The following EEFSEC variants were observed in gnomAD, a reference collection of about 807,000 sequenced individuals.
EEFSEC encodes eukaryotic elongation factor, selenocysteine-tRNA specific.
Under a neutral mutation model 42.1 loss-of-function variants are expected in EEFSEC, and 43 were observed. That is an observed-to-expected ratio of 1.02 (90% CI 0.80 to 1.32). The LOEUF is 1.32. Ranked by LOEUF, EEFSEC falls within the 40% of genes most tolerant of loss-of-function variation. The pLI, the probability that EEFSEC is intolerant of heterozygous loss-of-function variation, is 0.00. For missense variants in EEFSEC, 745 were observed against 803.6 expected (o/e 0.93, Z 0.88); for synonymous variants, 354 against 339.1 (o/e 1.04, Z -0.48).
intron 1 of EEFSEC, among the ~76,000 whole-genome samples, chr3:128,244,821 A>T (rs1202752154): frequency 1.3e-5 from 2 of 152,134 alleles, no homozygotes; most frequent in African/African-American, 4.8e-5. Flanking sequence ...TTCAACACAA[A>T]TCACACTCTG....
intron 3 of EEFSEC, 146 bp from the exon 4 acceptor site, chr3:128,264,471 C>T: frequency 1.2e-6 from 1 of 862,610 alleles, no homozygotes. Context: ...GATCTCCTGT[C>T]CACCTTGCCA....
chr3:128,170,708 A>G (rs956163175), intron 1 of EEFSEC, among the ~76,000 whole-genome samples: 1 of 152,194 alleles, frequency 6.6e-6, no homozygotes, highest in African/African-American at 2.4e-5. Flanking sequence ...CTAGAATCAA[A>G]TAGAATCTCT....
chr3:128,192,852 G>C (rs1423480862), intron 1 of EEFSEC, among the ~76,000 whole-genome samples: 1 of 152,182 alleles, frequency 6.6e-6, no homozygotes, highest in Non-Finnish European at 1.5e-5. Context: ...GTAATAATGT[G>C]TAAAGCATCC....
intron 1 of EEFSEC, among the ~76,000 whole-genome samples, chr3:128,196,986 T>G (rs1470630557): frequency 6.6e-6 from 1 of 152,264 alleles, no homozygotes; most frequent in African/African-American, 2.4e-5. Flanking sequence ...AGCTCTGGCC[T>G]CGTTTTTTAA....
intron 4 of EEFSEC, among the ~76,000 whole-genome samples, chr3:128,292,714 ATGTT>A (rs1220952953): frequency 6.6e-6 from 1 of 151,544 alleles, no homozygotes; most frequent in Non-Finnish European, 1.5e-5. Flanking sequence ...GTCTTGCTAG[ATGTT>A]TGTTTATTTT....
intron 4 of EEFSEC, among the ~76,000 whole-genome samples, chr3:128,282,394 C>G (rs1285065274): frequency 2.0e-5 from 3 of 152,234 alleles, no homozygotes; most frequent in African/African-American, 7.2e-5. Context: ...ATTGCTCTTG[C>G]CAGTTCATTC....
chr3:128,203,457 A>G (rs1366101173), intron 1 of EEFSEC, among the ~76,000 whole-genome samples: 1 of 152,170 alleles, frequency 6.6e-6, no homozygotes, highest in African/African-American at 2.4e-5. Context: ...AGGAATAAGG[A>G]AGGCAAATGT....
At chr3:128,368,357 T>G (rs1382521087) in intron 6 of EEFSEC, among the ~76,000 whole-genome samples, 1 of 151,262 alleles carries the variant, frequency 6.6e-6, no homozygotes, top group East Asian at 1.9e-4. Context: ...TGCTTGAACC[T>G]GGGAGATGGA....
rs542990125 is a variant in EEFSEC at position 128,264,932 on chromosome 3, G to T, written c.786+151G>T. The T allele has an allele frequency of 7.4e-5, 64 of 863,056 alleles. No homozygotes were observed. In the African/African-American group the frequency reaches 9.7e-4, roughly 13 times the overall value. 53.5% of individuals were successfully genotyped at this position (863,056 alleles called of 1,614,324 possible). A position where few individuals can be genotyped will look rare whatever the true frequency, so the allele number is the denominator to read the frequency against. On this transcript the variant is annotated intron_variant, in intron 4 of 6. Transcript: ENST00000254730. ...GCCCCACCTCCCCTCTGGCTGCCTG[G>T]CCCCGCCCGGCTCCAAGTCTTTCAA...
At chr3:128,360,873 A>C (rs1380416491) in intron 6 of EEFSEC, among the ~76,000 whole-genome samples, 1 of 152,038 alleles carries the variant, frequency 6.6e-6, no homozygotes, top group Non-Finnish European at 1.5e-5. Flanking sequence ...CACTGGTCAG[A>C]TTCCTCCATC....
At chr3:128,298,853 C>A (rs1228173847) in intron 4 of EEFSEC, among the ~76,000 whole-genome samples, 2 of 152,236 alleles carry the variant, frequency 1.3e-5, no homozygotes, top group Non-Finnish European at 2.9e-5. Context: ...TTTCACTTAA[C>A]ATAATGGCCT....
chr3:128,353,852 G>C (rs2067418981), intron 5 of EEFSEC, among the ~76,000 whole-genome samples: 1 of 152,210 alleles, frequency 6.6e-6, no homozygotes, highest in South Asian at 2.1e-4. Context: ...CTTTCCTAAA[G>C]ATTAAATAAT....
intron 1 of EEFSEC, among the ~76,000 whole-genome samples, chr3:128,181,722 A>G (rs892760074): frequency 9.6e-4 from 146 of 152,202 alleles, no homozygotes; most frequent in Non-Finnish European, 1.2e-4. Flanking sequence ...AACTTCAGAA[A>G]TGTCCTGAGG....
chr3:128,168,440 C>T, intron 1 of EEFSEC, among the ~76,000 whole-genome samples: 1 of 152,148 alleles, frequency 6.6e-6, no homozygotes, highest in Non-Finnish European at 1.5e-5. Flanking sequence ...ATACCATTAC[C>T]AAGTGCTTGC....
intron 6 of EEFSEC, among the ~76,000 whole-genome samples, chr3:128,369,599 T>A (rs1186528136): frequency 6.6e-6 from 1 of 152,182 alleles, no homozygotes; most frequent in Non-Finnish European, 1.5e-5. Context: ...GGTAGCAGGG[T>A]ACCTTCAAAG....
chr3:128,316,013 G>A (rs1024160823), intron 4 of EEFSEC, among the ~76,000 whole-genome samples: 1 of 152,214 alleles, frequency 6.6e-6, no homozygotes, highest in Non-Finnish European at 1.5e-5. Flanking sequence ...TATGCAAGTA[G>A]TACGTGAAAT....
At chr3:128,197,294 C>T (rs902891824) in intron 1 of EEFSEC, among the ~76,000 whole-genome samples, 3 of 152,100 alleles carry the variant, frequency 2.0e-5, no homozygotes, top group Non-Finnish European at 2.9e-5. Flanking sequence ...TTTTTTGAGA[C>T]GGAGTCTCGC....
Position 128,198,853 on chromosome 3 carries a change from G to A in EEFSEC, c.316+45030G>A, listed in dbSNP as rs144571204. Among the ~76,000 whole-genome samples, 687 of 151,620 alleles carry A rather than the reference G, an allele frequency of 4.5e-3. 4 individuals carry two copies. The highest frequency in any genetic ancestry group is 0.015 in the African/African-American group (605 of 41,330). On this transcript the variant is annotated intron_variant, in intron 1 of 6. Transcript: ENST00000254730. ...TTCTGTTTTTTTTTCTTTTTTTGAG[G>A]TGGAGTCTCACCCTGTCGCCCATGC...
chr3:128,339,773 T>A (rs972350242), intron 4 of EEFSEC, among the ~76,000 whole-genome samples: 4 of 152,162 alleles, frequency 2.6e-5, no homozygotes, highest in South Asian at 2.1e-4. Context: ...ATTTATTTTT[T>A]AAAAAAAAGA....
Sources: allele counts gnomAD v4.1 joint callset (sites outside exome capture counted in the v4.1 genomes callset), GRCh38; gene constraint gnomAD v4.1.1; transcripts MANE v1.5; gene names NCBI Gene and HGNC (gene_info 2026-07-23, HGNC 2026-07-21).